The following SLMAP variants were observed in gnomAD, a reference collection of about 807,000 sequenced individuals.
The protein encoded by SLMAP is sarcolemmal membrane-associated protein.
SLMAP carries 44 observed loss-of-function variants against 128.8 expected under a neutral mutation model. The observed-to-expected ratio is 0.34, with a 90% CI of 0.27 to 0.44. The LOEUF (loss-of-function observed/expected upper bound fraction) is 0.44, where lower values mean the gene tolerates loss of function less well. Ranked by LOEUF, SLMAP falls within the 20% of genes least tolerant of loss-of-function variation. The pLI, the probability that SLMAP is intolerant of heterozygous loss-of-function variation, is 1.00. For missense variants in SLMAP, 787 were observed against 985.3 expected (o/e 0.80, Z 2.69); for synonymous variants, 327 against 348.8 (o/e 0.94, Z 0.70).
At chr3:57,914,787 G>T (rs2096775851) in intron 21 of SLMAP, among the ~76,000 whole-genome samples, 1 of 151,732 alleles carries the variant, frequency 6.6e-6, no homozygotes, top group Non-Finnish European at 1.5e-5. Context: ...TCTCCATGTT[G>T]GTTAGGCTGT....
chr3:57,872,953 C>A (rs899128519), intron 14 of SLMAP, among the ~76,000 whole-genome samples: 1 of 152,040 alleles, frequency 6.6e-6, no homozygotes, highest in Non-Finnish European at 1.5e-5. Context: ...TGCATATGTG[C>A]CCCCCGCTAC....
chr3:57,846,898 C>T (rs757777233), intron 4 of SLMAP, among the ~76,000 whole-genome samples: 2 of 152,068 alleles, frequency 1.3e-5, no homozygotes, highest in South Asian at 2.1e-4. Context: ...TATAGAAATT[C>T]GTATAATCAA....
At position 57,864,724 on chromosome 3, in the gene SLMAP, G is replaced by C. The variant is rs1429915408; in HGVS notation, c.1135+8G>C. On this transcript the variant is annotated splice_region_variant and intron_variant, in intron 11 of 24. Transcript: ENST00000671191. Reference sequence around the variant, plus strand: ...GGCTAACAGCTTTACAAGGTAAGTAGCTAATCCAGAAATTGATTTTATTTT... The same window carrying C: ...GGCTAACAGCTTTACAAGGTAAGTACCTAATCCAGAAATTGATTTTATTTT... 6.3e-7 allele frequency: 1 copy of C among 1,582,452 alleles called. No individual in the cohort carries two copies. Among genetic ancestry groups the C allele is most frequent in the East Asian group, 2.2e-5 (1 of 44,588 alleles).
chr3:57,835,499 T>G (rs2093596966), intron 3 of SLMAP, among the ~76,000 whole-genome samples: 1 of 152,068 alleles, frequency 6.6e-6, no homozygotes, highest in Admixed American at 6.6e-5. Context: ...AACAACAAAG[T>G]AGGATTTATT....
chr3:57,879,070 G>C (rs906386672), intron 14 of SLMAP, among the ~76,000 whole-genome samples: 1 of 152,182 alleles, frequency 6.6e-6, no homozygotes, highest in African/African-American at 2.4e-5. Context: ...TCTTGGCATA[G>C]CTGTCTCAAA....
chr3:57,909,264 G>A, intron 19 of SLMAP, 114 bp downstream of exon 19: 1 of 703,974 alleles, frequency 1.4e-6, no homozygotes, highest in Admixed American at 2.6e-5. Context: ...GCATTTGGGA[G>A]GCCGAGAAGG....
rs773622760 is a variant in SLMAP, at chr3:57,864,684, A to G, written c.1103A>G (p.Asp368Gly). ...ATAGAAGCTTTGCAAGCTGATAATG[A>G]TTTCACCAATGAAAGGCTAACAGCT... ...AKIEALQADNDFTNERLTALQ... is the reference protein window; with the variant it reads ...AKIEALQADNGFTNERLTALQ... The change falls in exon 11 of 25, where the codon GAT (aspartate) becomes GGT (glycine). Residue 368 changes from aspartate to glycine, a missense_variant. This residue lies in a region of SLMAP where 715 missense variants were observed against 843.6 expected (regional missense o/e 0.85). Coordinates refer to ENST00000671191, the MANE Select transcript of SLMAP (RefSeq NM_001377540.1). 1.3e-6 allele frequency: 2 copies of G among 1,595,758 alleles called. No homozygotes were observed. The highest frequency in any genetic ancestry group is 2.2e-5 in the East Asian group (1 of 44,704).
At chr3:57,767,475 A>G (rs1023701100) in intron 2 of SLMAP, among the ~76,000 whole-genome samples, 1 of 152,190 alleles carries the variant, frequency 6.6e-6, no homozygotes, top group African/African-American at 2.4e-5. Context: ...ATAAGTCATT[A>G]TTTATTGAGA....
At chr3:57,927,228 C>A in intron 24 of SLMAP, 68 bp from the exon 25 acceptor site, 1 of 936,326 alleles carries the variant, frequency 1.1e-6, no homozygotes, top group Non-Finnish European at 1.7e-6. Flanking sequence ...TCTCTGGAAC[C>A]AAGGGGTTAA....
At chr3:57,815,802 T>A (rs762600837) in intron 2 of SLMAP, among the ~76,000 whole-genome samples, 1 of 152,064 alleles carries the variant, frequency 6.6e-6, no homozygotes. Context: ...TTTAAGTAAT[T>A]GTCAAAGAAC....
intron 19 of SLMAP, 149 bp downstream of exon 19, chr3:57,909,299 C>T (rs982151864): frequency 2.4e-5 from 14 of 575,812 alleles, no homozygotes; most frequent in African/African-American, 9.5e-5. Context: ...GTCAGGAATT[C>T]GAGAGCAGTG....
At chr3:57,791,944 A>T (rs1023231402) in intron 2 of SLMAP, among the ~76,000 whole-genome samples, 1 of 152,120 alleles carries the variant, frequency 6.6e-6, no homozygotes, top group African/African-American at 2.4e-5. Flanking sequence ...GTATAACAGG[A>T]TATTTTAGTG....
chr3:57,835,060 T>G (rs1292220973), intron 3 of SLMAP, among the ~76,000 whole-genome samples: 1 of 141,796 alleles, frequency 7.1e-6, no homozygotes, highest in Admixed American at 7.8e-5. Context: ...AGGCAGAGAT[T>G]GCAGTGAGCC....
At chr3:57,767,298 C>T (rs1247691622) in intron 2 of SLMAP, among the ~76,000 whole-genome samples, 1 of 152,158 alleles carries the variant, frequency 6.6e-6, no homozygotes, top group South Asian at 2.1e-4. Context: ...GATGTGAACT[C>T]TTGAGAGCAA....
intron 14 of SLMAP, among the ~76,000 whole-genome samples, chr3:57,884,760 G>C (rs369639652): frequency 6.6e-6 from 1 of 152,032 alleles, no homozygotes; most frequent in Non-Finnish European, 1.5e-5. Flanking sequence ...AGTGGGCAGA[G>C]ATCACGCCAC....
At chr3:57,817,155 G>A (rs1245999590) in intron 2 of SLMAP, among the ~76,000 whole-genome samples, 7 of 152,296 alleles carry the variant, frequency 4.6e-5, no homozygotes, top group African/African-American at 1.7e-4. Context: ...TGTGGAGGGT[G>A]TAGAGTGTGG....
chr3:57,887,235 A>AT (rs1327302890), intron 14 of SLMAP, among the ~76,000 whole-genome samples: 18,556 of 141,340 alleles, frequency 0.13, 1,453 homozygotes, highest in Non-Finnish European at 0.18. Flanking sequence ...AAGCCATGAG[A>AT]TTTTTTTTTT....
At chr3:57,912,252 C>T (rs905660385) in intron 19 of SLMAP, 129 bp from the exon 20 acceptor site, 8 of 664,846 alleles carry the variant, frequency 1.2e-5, no homozygotes, top group Non-Finnish European at 1.7e-5. Flanking sequence ...CTGCATCAAA[C>T]GTGGATTGTT....
rs554780702 is a variant in SLMAP, at chr3:57,925,863, G to T, written c.2464G>T (p.Val822Phe). 1.3e-6 allele frequency: 2 copies of T among 1,550,510 alleles called. No individual in the cohort carries two copies. Among genetic ancestry groups the T allele is most frequent in the Non-Finnish European group, 8.7e-7 (1 of 1,146,884 alleles). Reference protein sequence around the residue: ...KGNNPSILQPVPAVFIGLFLA... With the variant: ...KGNNPSILQPFPAVFIGLFLA... ...TCTTTAGCCTTCCATATTACAACCCGTCCCAGCCGTATTCATCGGCCTATT... is the reference window on the plus strand; with the variant it reads ...TCTTTAGCCTTCCATATTACAACCCTTCCCAGCCGTATTCATCGGCCTATT... Residue 822 changes from valine (V) to phenylalanine (F), a missense_variant, in exon 24 of 25, where the codon GTC becomes TTC. By Grantham distance (50) the Val-to-Phe change is conservative. Transcript: ENST00000671191.
Sources: allele counts gnomAD v4.1 joint callset (sites outside exome capture counted in the v4.1 genomes callset), GRCh38; gene constraint gnomAD v4.1.1; regional missense constraint gnomAD v4.1.1; transcripts MANE v1.5; gene names NCBI Gene and HGNC (gene_info 2026-07-23, HGNC 2026-07-21).